The following EML4 variants were observed in gnomAD, a reference collection of about 807,000 sequenced individuals.
EML4 encodes the protein EMAP like 4.
Under a neutral mutation model 129.0 loss-of-function variants are expected in EML4, and 72 were observed. That is an observed-to-expected ratio of 0.56 (90% CI 0.46 to 0.68). The LOEUF (loss-of-function observed/expected upper bound fraction) is 0.68, where lower values mean the gene tolerates loss of function less well. Ranked by LOEUF, EML4 falls within the 30% of genes least tolerant of loss-of-function variation. The probability of loss-of-function intolerance (pLI) is 0.00; values close to 1 mark genes in which losing one functional copy is unlikely to be tolerated. For missense variants in EML4, 1,363 were observed against 1,190.6 expected (o/e 1.14, Z -2.13); for synonymous variants, 532 against 405.0 (o/e 1.31, Z -3.77).
chr2:42,222,838 G>A (rs548166295), intron 1 of EML4, among the ~76,000 whole-genome samples: 7 of 151,944 alleles, frequency 4.6e-5, no homozygotes, highest in South Asian at 2.1e-4. Context: ...TCGCTTTGTC[G>A]CCTAGGCTGG....
intron 2 of EML4, among the ~76,000 whole-genome samples, chr2:42,251,810 A>C (rs151314969): frequency 9.2e-5 from 14 of 152,324 alleles, no homozygotes; most frequent in Admixed American, 4.6e-4. Context: ...TTATTTCCTG[A>C]AAATGATCTA....
chr2:42,221,932 C>A (rs531866915), intron 1 of EML4, among the ~76,000 whole-genome samples: 1 of 152,146 alleles, frequency 6.6e-6, no homozygotes, highest in African/African-American at 2.4e-5. Flanking sequence ...GACAGTGTTT[C>A]ATCATGTTGC....
At chr2:42,224,416 T>A (rs1393819494) in intron 1 of EML4, among the ~76,000 whole-genome samples, 1 of 152,210 alleles carries the variant, frequency 6.6e-6, no homozygotes, top group African/African-American at 2.4e-5. Flanking sequence ...TTCTGTCACA[T>A]GGGTATAACC....
chr2:42,219,526 G>C (rs34218234), intron 1 of EML4, among the ~76,000 whole-genome samples: 39,267 of 152,066 alleles, frequency 0.26, 6,107 homozygotes, highest in East Asian at 0.56. Context: ...GATTTTCATA[G>C]ATTAGAAAAT....
At chr2:42,250,178 A>G (rs144327426) in intron 2 of EML4, among the ~76,000 whole-genome samples, 86 of 152,386 alleles carry the variant, frequency 5.6e-4, no homozygotes, top group African/African-American at 1.9e-3. Context: ...CATGTAAACC[A>G]GGAAACTGCT....
chr2:42,188,595 G>T (rs768807417), intron 1 of EML4, among the ~76,000 whole-genome samples: 6 of 151,908 alleles, frequency 3.9e-5, no homozygotes, highest in Non-Finnish European at 8.8e-5. Flanking sequence ...ACCCAGGCTG[G>T]AGTGCAGTGG....
intron 19 of EML4, 148 bp from the exon 20 acceptor site, chr2:42,325,319 C>T (rs2103826456): frequency 1.6e-6 from 1 of 628,012 alleles, no homozygotes. Context: ...TTGCTGTGAG[C>T]CTGCTCAGTT....
chr2:42,208,440 T>C (rs1378980031), intron 1 of EML4, among the ~76,000 whole-genome samples: 1 of 150,792 alleles, frequency 6.6e-6, no homozygotes, highest in Non-Finnish European at 1.5e-5. Context: ...TTTTCTTTTC[T>C]TTTCTTTTTT....
chr2:42,245,573 C>G lies in EML4; in HGVS notation c.94C>G (p.Gln32Glu). 4.3e-6 allele frequency: 7 copies of G among 1,613,816 alleles called. No homozygotes were observed. The highest frequency in any genetic ancestry group is 2.2e-5 in the East Asian group (1 of 44,848). The change falls in exon 2 of 23, where the codon CAG becomes GAG. Residue 32 changes from glutamine to glutamate, a missense_variant. Transcript: ENST00000318522. ...CCTGTCAGCTCTTGAGTCACGAGTT[C>G]AGCAACAAGAAGATGAAATCACTGT... ...DRLSALESRV[Q>E]QQEDEITVLK... is the part of the protein sequence containing the mutation.
At chr2:42,306,109 T>C (rs1051541087) in intron 17 of EML4, among the ~76,000 whole-genome samples, 3 of 152,224 alleles carry the variant, frequency 2.0e-5, no homozygotes, top group African/African-American at 7.2e-5. Flanking sequence ...CATTTGGTGA[T>C]ACTTTGCAAA....
chr2:42,184,399 A>C (rs1671125598), intron 1 of EML4, among the ~76,000 whole-genome samples: 1 of 98,072 alleles, frequency 1.0e-5, no homozygotes, highest in African/African-American at 4.2e-5. Flanking sequence ...CCCACCCCAC[A>C]ACAGGCCCCG....
intron 1 of EML4, among the ~76,000 whole-genome samples, chr2:42,193,989 G>T (rs1349107279): frequency 6.6e-6 from 1 of 152,136 alleles, no homozygotes; most frequent in Non-Finnish European, 1.5e-5. Context: ...CTGACCTGCA[G>T]TCTTATTTTA....
At chr2:42,300,327 T>A (rs1668211774) in intron 13 of EML4, among the ~76,000 whole-genome samples, 1 of 152,226 alleles carries the variant, frequency 6.6e-6, no homozygotes, top group Non-Finnish European at 1.5e-5. Flanking sequence ...GAGTAAGGCA[T>A]TTATGAATAC....
intron 1 of EML4, among the ~76,000 whole-genome samples, chr2:42,192,136 A>G (rs193152819): frequency 2.0e-5 from 3 of 150,282 alleles, no homozygotes; most frequent in East Asian, 2.0e-4. Flanking sequence ...AAAAAAAAAA[A>G]TCCCTAGTTT....
intron 1 of EML4, among the ~76,000 whole-genome samples, chr2:42,223,528 G>T (rs900277347): frequency 6.6e-6 from 1 of 152,112 alleles, no homozygotes; most frequent in Non-Finnish European, 1.5e-5. Flanking sequence ...TTAAATGTCA[G>T]TAGTTAGAAA....
At chr2:42,198,710 T>G (rs530310903) in intron 1 of EML4, among the ~76,000 whole-genome samples, 4 of 152,246 alleles carry the variant, frequency 2.6e-5, no homozygotes, top group African/African-American at 9.6e-5. Flanking sequence ...AAGAGAGTTG[T>G]GAGGATTTGG....
At chr2:42,266,916 A>G (rs1437087756) in intron 6 of EML4, among the ~76,000 whole-genome samples, 5 of 152,310 alleles carry the variant, frequency 3.3e-5, no homozygotes. Flanking sequence ...ATTTGAGGAG[A>G]AGGAGATGTG....
chr2:42,314,079 C>A (rs898290113), intron 17 of EML4, among the ~76,000 whole-genome samples: 1 of 152,092 alleles, frequency 6.6e-6, no homozygotes, highest in Non-Finnish European at 1.5e-5. Context: ...TAAAAACTTG[C>A]CGGGCATGGT....
chr2:42,256,975 A>G (rs1485601700), intron 3 of EML4, among the ~76,000 whole-genome samples: 1 of 152,254 alleles, frequency 6.6e-6, no homozygotes, highest in East Asian at 1.9e-4. Flanking sequence ...TATATTTGAT[A>G]CAGCATTTTT....
Sources: allele counts gnomAD v4.1 joint callset (sites outside exome capture counted in the v4.1 genomes callset), GRCh38; gene constraint gnomAD v4.1.1; transcripts MANE v1.5; gene names NCBI Gene and HGNC (gene_info 2026-07-23, HGNC 2026-07-21).